Variants in FSIP1 observed in about 807,000 individuals in gnomAD.
The protein encoded by FSIP1 is fibrous sheath interacting protein 1.
In FSIP1, 65 loss-of-function variants were observed where a neutral mutation model predicts 60.9. The observed-to-expected ratio is 1.07, with a 90% CI of 0.87 to 1.31. The LOEUF (loss-of-function observed/expected upper bound fraction) is 1.31. Among genes scored for constraint, FSIP1 ranks in the 40% most tolerant of loss-of-function variants. The probability of loss-of-function intolerance (pLI) is 0.00; values close to 1 mark genes in which losing one functional copy is unlikely to be tolerated. For synonymous variants in FSIP1, 209 were observed against 221.2 expected (o/e 0.94, Z 0.49); for missense variants, 675 against 665.5 (o/e 1.01, Z -0.16).
intron 10 of FSIP1, among the ~76,000 whole-genome samples, chr15:39,683,924 T>C (rs1432405592): frequency 6.6e-6 from 1 of 152,144 alleles, no homozygotes; most frequent in East Asian, 1.9e-4. Flanking sequence ...AAAATGCTGC[T>C]GAAAGAAATG....
At chr15:39,692,156 G>A (rs1406432001) in intron 10 of FSIP1, among the ~76,000 whole-genome samples, 1 of 152,108 alleles carries the variant, frequency 6.6e-6, no homozygotes, top group Non-Finnish European at 1.5e-5. Context: ...GAGGTGGAAG[G>A]AAAGAACCCC....
At chr15:39,651,126 T>C (rs1462640925) in intron 10 of FSIP1, among the ~76,000 whole-genome samples, 1 of 152,170 alleles carries the variant, frequency 6.6e-6, no homozygotes, top group Non-Finnish European at 1.5e-5. Context: ...GAAAAACAGC[T>C]GTCATGTGTC....
intron 10 of FSIP1, among the ~76,000 whole-genome samples, chr15:39,659,593 G>A (rs1489760260): frequency 1.7e-5 from 2 of 119,838 alleles, no homozygotes; most frequent in Non-Finnish European, 3.4e-5. Context: ...GAACTTCACT[G>A]TATTTGAATT....
At chr15:39,667,850 T>C (rs1299742364) in intron 10 of FSIP1, among the ~76,000 whole-genome samples, 2 of 152,068 alleles carry the variant, frequency 1.3e-5, no homozygotes, top group Non-Finnish European at 2.9e-5. Context: ...TCAGAGGAAT[T>C]AGTGAGTTTG....
intron 2 of FSIP1, among the ~76,000 whole-genome samples, chr15:39,774,433 A>G (rs1183981330): frequency 1.3e-5 from 2 of 151,920 alleles, no homozygotes; most frequent in Non-Finnish European, 2.9e-5. Context: ...GTGAGCCAAG[A>G]TCACACCATT....
chr15:39,623,175 C>T (rs1891506231), intron 10 of FSIP1, among the ~76,000 whole-genome samples: 1 of 152,186 alleles, frequency 6.6e-6, no homozygotes, highest in South Asian at 2.1e-4. Context: ...ACCTCACTCT[C>T]ATCCCTGCCC....
intron 10 of FSIP1, among the ~76,000 whole-genome samples, chr15:39,698,480 T>G (rs1263396833): frequency 6.6e-6 from 1 of 152,142 alleles, no homozygotes; most frequent in African/African-American, 2.4e-5. Flanking sequence ...CTCAAGAGAT[T>G]TGCTCCCTCT....
At chr15:39,700,671 T>C (rs184311495) in intron 10 of FSIP1, among the ~76,000 whole-genome samples, 1 of 152,200 alleles carries the variant, frequency 6.6e-6, no homozygotes, top group Non-Finnish European at 1.5e-5. Flanking sequence ...GAGGAAAGAT[T>C]GCCCACCCCA....
chr15:39,631,309 C>T (rs75911799), intron 10 of FSIP1, among the ~76,000 whole-genome samples: 2,437 of 152,136 alleles, frequency 0.016, 71 homozygotes, highest in African/African-American at 0.055. Context: ...CCTTCCAGAG[C>T]GCGCACTCCC....
chr15:39,641,710 T>C (rs943922189), intron 10 of FSIP1, among the ~76,000 whole-genome samples: 5 of 152,184 alleles, frequency 3.3e-5, no homozygotes, highest in African/African-American at 9.7e-5. Context: ...CTTTACCATT[T>C]ACATGATTTA....
At chr15:39,756,796 G>A (rs569490765) in intron 5 of FSIP1, among the ~76,000 whole-genome samples, 88 of 152,236 alleles carry the variant, frequency 5.8e-4, no homozygotes, top group African/African-American at 1.6e-3. Flanking sequence ...CTTTAATAAC[G>A]TGATCATGCT....
At chr15:39,678,611 T>TA (rs1894037915) in intron 10 of FSIP1, among the ~76,000 whole-genome samples, 1 of 152,128 alleles carries the variant, frequency 6.6e-6, no homozygotes, top group South Asian at 2.1e-4. Flanking sequence ...AGAAAACAAA[T>TA]ACAGTTGTTT....
chr15:39,615,107 T>C (rs923810209), intron 11 of FSIP1, among the ~76,000 whole-genome samples: 1 of 152,104 alleles, frequency 6.6e-6, no homozygotes, highest in African/African-American at 2.4e-5. Flanking sequence ...ACTCCATGTA[T>C]AAAAATCAAC....
intron 3 of FSIP1, 43 bp downstream of exon 3, chr15:39,770,384 C>G: frequency 7.4e-7 from 1 of 1,343,638 alleles, no homozygotes; most frequent in Non-Finnish European, 1.0e-6. Context: ...TAATCATTAA[C>G]ATTTGTAATT....
intron 10 of FSIP1, among the ~76,000 whole-genome samples, chr15:39,678,058 CATA>C (rs1894013876): frequency 6.7e-6 from 1 of 150,342 alleles, no homozygotes; most frequent in Non-Finnish European, 1.5e-5. Context: ...CATAATGTAA[CATA>C]ATATGTCCAG....
chr15:39,677,697 T>A (rs918471976), intron 10 of FSIP1, among the ~76,000 whole-genome samples: 2 of 152,170 alleles, frequency 1.3e-5, no homozygotes, highest in Non-Finnish European at 2.9e-5. Flanking sequence ...ACAAGGAACG[T>A]AGTACTAGGC....
chr15:39,606,999 T>C (rs923439046), intron 11 of FSIP1, among the ~76,000 whole-genome samples: 6 of 152,208 alleles, frequency 3.9e-5, no homozygotes, highest in African/African-American at 1.4e-4. Context: ...TGAGGTTAAG[T>C]GTGACCTGAC....
At chr15:39,722,652 CACTTT>C (rs1277172029) in intron 9 of FSIP1, among the ~76,000 whole-genome samples, 9 of 152,260 alleles carry the variant, frequency 5.9e-5, no homozygotes, top group African/African-American at 1.9e-4. Flanking sequence ...ACCACCACAG[CACTTT>C]ACTTAGAGCC....
At chr15:39,713,642 C>G in intron 9 of FSIP1, 61 bp from the exon 10 acceptor site, 1 of 1,480,756 alleles carries the variant, frequency 6.8e-7, no homozygotes, top group Non-Finnish European at 9.1e-7. Context: ...TCACATACCA[C>G]CTCAAAGCAA....
Sources: allele counts gnomAD v4.1 joint callset (sites outside exome capture counted in the v4.1 genomes callset), GRCh38; gene constraint gnomAD v4.1.1; transcripts MANE v1.5; gene names NCBI Gene and HGNC (gene_info 2026-07-23, HGNC 2026-07-21).